The following CADM2 variants were observed in gnomAD, a reference collection of about 807,000 sequenced individuals.
CADM2 encodes cell adhesion molecule 2.
CADM2 carries 12 observed loss-of-function variants against 49.8 expected under a neutral mutation model. That is an observed-to-expected ratio of 0.24 (90% CI 0.15 to 0.39). CADM2 has a LOEUF of 0.39. CADM2 is among the 10% of genes least tolerant of loss of function. CADM2 has a pLI of 1.00. For synonymous variants in CADM2, 214 were observed against 175.4 expected (o/e 1.22, Z -1.74); for missense variants, 378 against 492.3 (o/e 0.77, Z 2.20).
chr3:85,925,870 G>A (rs1719761607), intron 6 of CADM2, among the ~76,000 whole-genome samples: 2 of 152,164 alleles, frequency 1.3e-5, no homozygotes, highest in African/African-American at 4.8e-5. Context: ...GGGCACAGTG[G>A]CTCACGCCTG....
chr3:86,011,461 A>G (rs994005702), intron 8 of CADM2, among the ~76,000 whole-genome samples: 1 of 152,164 alleles, frequency 6.6e-6, no homozygotes, highest in African/African-American at 2.4e-5. Flanking sequence ...CAAAACCTGT[A>G]TAAGAATATG....
At chr3:85,599,221 G>A (rs1474398150) in intron 1 of CADM2, among the ~76,000 whole-genome samples, 1 of 151,888 alleles carries the variant, frequency 6.6e-6, no homozygotes. Flanking sequence ...ATACCTTTTA[G>A]AACTACTTAA....
At chr3:85,231,728 T>G (rs993677974) in intron 1 of CADM2, among the ~76,000 whole-genome samples, 1 of 151,402 alleles carries the variant, frequency 6.6e-6, no homozygotes, top group Non-Finnish European at 1.5e-5. Flanking sequence ...TTTTTTGTTT[T>G]TGAGATGAAG....
intron 1 of CADM2, among the ~76,000 whole-genome samples, chr3:85,660,169 A>G (rs2065355502): frequency 6.6e-6 from 1 of 152,126 alleles, no homozygotes; most frequent in African/African-American, 2.4e-5. Context: ...CTGGGCCTGC[A>G]AAAAGGGTAA....
At chr3:85,366,407 G>A (rs1247322221) in intron 1 of CADM2, among the ~76,000 whole-genome samples, 2 of 152,154 alleles carry the variant, frequency 1.3e-5, no homozygotes, top group Non-Finnish European at 2.9e-5. Context: ...ATCACTGTCA[G>A]AAGCAGTTGT....
intron 3 of CADM2, among the ~76,000 whole-genome samples, chr3:85,802,865 T>A (rs1039696244): frequency 6.6e-6 from 1 of 152,068 alleles, no homozygotes; most frequent in Non-Finnish European, 1.5e-5. Flanking sequence ...TCATCCATTA[T>A]TAGATGAAAA....
chr3:85,158,963 G>A (rs1010674081), intron 1 of CADM2, among the ~76,000 whole-genome samples: 69 of 152,224 alleles, frequency 4.5e-4, no homozygotes, highest in African/African-American at 1.6e-3. Flanking sequence ...TGACGTCTGC[G>A]TGTGTGTTAG....
chr3:85,954,132 C>T (rs1370857767), intron 7 of CADM2, among the ~76,000 whole-genome samples: 1 of 150,494 alleles, frequency 6.6e-6, no homozygotes, highest in Non-Finnish European at 1.5e-5. Context: ...GAAATCAATA[C>T]CAAGAATAAA....
In CADM2 at chr3:85,874,068, G is replaced by A. The variant is rs892574185; in HGVS notation, c.239-9223G>A. On this transcript the variant is annotated intron_variant, in intron 3 of 9. Coordinates refer to ENST00000383699, the MANE Select transcript of CADM2 (RefSeq NM_001167675.2). ...TTAATATTTTTATTCTTATGCCTAC[G>A]TTTTAAAAATATAAAAGAGAACAGT... Among the ~76,000 whole-genome samples, 76 of 152,072 alleles carry A rather than the reference G, an allele frequency of 5.0e-4. 1 individual carries two copies. The highest frequency in any genetic ancestry group is 2.1e-4 in the South Asian group (1 of 4,818).
chr3:85,120,126 C>G (rs1311558278), intron 1 of CADM2, among the ~76,000 whole-genome samples: 1 of 152,124 alleles, frequency 6.6e-6, no homozygotes, highest in Non-Finnish European at 1.5e-5. Context: ...CAAATCAAAA[C>G]CACAATGAGA....
At chr3:85,948,681 C>T (rs1207265333) in intron 7 of CADM2, among the ~76,000 whole-genome samples, 9 of 150,766 alleles carry the variant, frequency 6.0e-5, no homozygotes, top group South Asian at 2.1e-4. Context: ...AAAACTCAAA[C>T]GTATAGAAGC....
chr3:86,022,032 G>T (rs1205309658), intron 8 of CADM2, among the ~76,000 whole-genome samples: 1 of 152,040 alleles, frequency 6.6e-6, no homozygotes, highest in Non-Finnish European at 1.5e-5. Flanking sequence ...GTGTTCATTT[G>T]CTCACAGTAC....
At chr3:85,184,032 A>G (rs2040995436) in intron 1 of CADM2, among the ~76,000 whole-genome samples, 1 of 152,130 alleles carries the variant, frequency 6.6e-6, no homozygotes, top group South Asian at 2.1e-4. Flanking sequence ...GAATGACAAG[A>G]TGTCCAGAAA....
intron 8 of CADM2, among the ~76,000 whole-genome samples, chr3:85,974,452 G>A (rs533224122): frequency 1.3e-5 from 2 of 151,764 alleles, no homozygotes; most frequent in South Asian, 4.2e-4. Context: ...TGTATCCTAT[G>A]AGGAACTCTA....
chr3:85,326,442 C>G (rs973411911), intron 1 of CADM2, among the ~76,000 whole-genome samples: 1 of 151,868 alleles, frequency 6.6e-6, no homozygotes, highest in African/African-American at 2.4e-5. Context: ...TAATATTTCT[C>G]TTAGGAAATA....
intron 1 of CADM2, among the ~76,000 whole-genome samples, chr3:85,410,231 T>C (rs986419683): frequency 7.9e-5 from 12 of 152,192 alleles, no homozygotes; most frequent in African/African-American, 2.7e-4. Context: ...CTAAGGCATA[T>C]CATATCCCAA....
chr3:85,565,449 G>C (rs1197172757), intron 1 of CADM2, among the ~76,000 whole-genome samples: 3 of 151,796 alleles, frequency 2.0e-5, no homozygotes, highest in Admixed American at 6.6e-5. Context: ...ACAACTTCAG[G>C]ATACTTCTAA....
chr3:85,309,012 A>G (rs558325536), intron 1 of CADM2, among the ~76,000 whole-genome samples: 93 of 152,176 alleles, frequency 6.1e-4, no homozygotes, highest in Admixed American at 5.9e-3. Context: ...AGTTCTCCAT[A>G]TAAACTGGTC....
chr3:85,426,472 AT>A (rs1244267855), intron 1 of CADM2, among the ~76,000 whole-genome samples: 1 of 152,022 alleles, frequency 6.6e-6, no homozygotes, highest in African/African-American at 2.4e-5. Context: ...ATGTTGTTTT[AT>A]TTTTTTAATT....
Sources: gnomAD v4.1 joint callset for allele counts (sites outside exome capture counted in the v4.1 genomes callset) on GRCh38, gnomAD v4.1.1 for gene constraint, MANE v1.5 for transcripts, NCBI Gene and HGNC (gene_info 2026-07-23, HGNC 2026-07-21) for gene names.